The following TINAGL1 variants were observed in gnomAD, a reference collection of about 807,000 sequenced individuals.
TINAGL1 encodes the protein tubulointerstitial nephritis antigen-like.
Under a neutral mutation model 62.0 loss-of-function variants are expected in TINAGL1, and 34 were observed. The observed-to-expected ratio is 0.55, with a 90% confidence interval of 0.42 to 0.73. The LOEUF is 0.73. Ranked by LOEUF, TINAGL1 falls within the 30% of genes least tolerant of loss-of-function variation. TINAGL1 has a pLI of 0.00. For missense variants in TINAGL1, 516 were observed against 653.2 expected (o/e 0.79, Z 2.29); for synonymous variants, 221 against 249.7 (o/e 0.88, Z 1.08).
In TINAGL1 at chr1:31,585,603, G is replaced by T; in HGVS notation, c.1093+118G>T. Reference sequence around the variant, plus strand: ...GCATGTCCAGTAGGGCCAGGAGTAGGGGTCCCCCCCTCCCACAGGCAGCAC... The same window carrying T: ...GCATGTCCAGTAGGGCCAGGAGTAGTGGTCCCCCCCTCCCACAGGCAGCAC... On this transcript the variant is annotated intron_variant, in intron 9 of 11. Coordinates refer to ENST00000271064, the MANE Select transcript of TINAGL1 (RefSeq NM_022164.3). This position sits in a 1 kb window ranked among gnomAD's most constrained non-coding sequence, Gnocchi z 4.3. 1 of 1,541,124 alleles carries T rather than the reference G, an allele frequency of 6.5e-7. No homozygotes were observed.
At chr1:31,580,625 A>G in intron 3 of TINAGL1, 2 of 1,289,410 alleles carry the variant, frequency 1.6e-6, no homozygotes, top group Non-Finnish European at 2.0e-6. Flanking sequence ...TGGAAAGCCC[A>G]GCCATACTGG....
At chr1:31,581,339 G>T (rs944422169) in intron 3 of TINAGL1, among the ~76,000 whole-genome samples, 1 of 152,208 alleles carries the variant, frequency 6.6e-6, no homozygotes, top group Non-Finnish European at 1.5e-5. Flanking sequence ...ATAAGGCAGT[G>T]CCGGGGTCCA....
chr1:31,583,353 ACTGTGTGTGCGCTCAGC>A lies in TINAGL1; in HGVS notation c.468-106_468-90del. The A allele has an allele frequency of 6.9e-7, 1 of 1,458,702 alleles. No homozygotes were observed. The highest frequency in any genetic ancestry group is 1.8e-5 in the Admixed American group (1 of 55,494). The allele number at this position is 1,458,702 out of a possible 1,614,324, so 90.4% of individuals were successfully genotyped here. A position where few individuals can be genotyped will look rare whatever the true frequency, so the allele number is the denominator to read the frequency against. ...CAGGCCACTCCTACACCCAGATTTG[ACTGTGTGTGCGCTCAGC>A]CACTGTGCGTCTCTCCCACCCACAT... On this transcript the variant is annotated intron_variant, in intron 4 of 11. Transcript: ENST00000271064. This position sits in a 1 kb window ranked among gnomAD's most constrained non-coding sequence, Gnocchi z 4.4.
At position 31,583,690 on chromosome 1, in the gene TINAGL1, T is replaced by C. The variant is rs1639309214; in HGVS notation, c.582+115T>C. Reference sequence around the variant, plus strand: ...TGGACCATCCCCTACTACAAGGCTGTGTGTCCCTGGACAAGTTACTCCCCT... The same window carrying C: ...TGGACCATCCCCTACTACAAGGCTGCGTGTCCCTGGACAAGTTACTCCCCT... On this transcript the variant is annotated intron_variant, in intron 5 of 11. Coordinates refer to ENST00000271064, the MANE Select transcript of TINAGL1 (RefSeq NM_022164.3). The surrounding 1 kb of genome is among the most constrained non-coding windows in gnomAD (Gnocchi z 4.4). The C allele has an allele frequency of 4.5e-6, 4 of 883,332 alleles. No individual in the cohort carries two copies. The South Asian group carries it at 6.3e-5, about 14-fold the overall frequency. The allele number at this position is 883,332 out of a possible 1,614,324, so 54.7% of individuals were successfully genotyped here. A position where few individuals can be genotyped will look rare whatever the true frequency, so the allele number is the denominator to read the frequency against.
intron 3 of TINAGL1, chr1:31,580,205 C>CTG: frequency 2.2e-5 from 11 of 493,668 alleles, no homozygotes; most frequent in East Asian, 1.8e-4. Context: ...CTCTCTCTCT[C>CTG]TCTCTCTGTC....
chr1:31,578,205 G>T, intron 2 of TINAGL1: 1 of 985,612 alleles, frequency 1.0e-6, no homozygotes, highest in Non-Finnish European at 1.2e-6. Flanking sequence ...GACCCTGCAG[G>T]ATTTGTCTTC....
chr1:31,586,904 CAAT>C lies in TINAGL1; in HGVS notation c.1330_1332del (p.Asn444del). 6.5e-7 allele frequency: 1 copy of C among 1,547,496 alleles called. No homozygotes were observed. The highest frequency in any genetic ancestry group is 8.7e-7 in the Non-Finnish European group (1 of 1,148,682). ...GCCACTTCCGCATCGTGCGCGGCGT[CAAT>C]GAGTGCGACATCGAGAGCTTCGTGC... is the stretch of plus-strand genomic sequence containing the variant. On this transcript the variant is annotated inframe_deletion, in exon 12 of 12. Transcript: ENST00000271064.
chr1:31,584,495 T>G lies in TINAGL1; in HGVS notation c.583-183T>G. On this transcript the variant is annotated intron_variant, in intron 5 of 11. Transcript: ENST00000271064. The surrounding 1 kb of genome is among the most constrained non-coding windows in gnomAD (Gnocchi z 4.0). ...CCACCACCTGATACCTGGGAGGCAC[T>G]AAATGGTGCTTGGTTCTTCAACACA... is the stretch of plus-strand genomic sequence containing the variant. The G allele has an allele frequency of 1.0e-5, 7 of 703,402 alleles. No individual in the cohort carries two copies. The highest frequency in any genetic ancestry group is 7.3e-5 in the East Asian group (2 of 27,454). 43.6% of individuals were successfully genotyped at this position (703,402 alleles called of 1,614,324 possible). A position where few individuals can be genotyped will look rare whatever the true frequency, so the allele number is the denominator to read the frequency against.
chr1:31,584,608 G>C lies in TINAGL1; in HGVS notation c.583-70G>C. ...AGGCCCTGGACTTGGTGGCCCTCCA[G>C]TGCCAATGGGCACCTGAGGGGCAGG... is the stretch of plus-strand genomic sequence containing the variant. On this transcript the variant is annotated intron_variant, in intron 5 of 11. Transcript: ENST00000271064. This position sits in a 1 kb window ranked among gnomAD's most constrained non-coding sequence, Gnocchi z 4.0. The C allele has an allele frequency of 1.2e-6, 2 of 1,607,682 alleles. No homozygotes were observed. The highest frequency in any genetic ancestry group is 1.7e-6 in the Non-Finnish European group (2 of 1,176,708).
Position 31,586,836 on chromosome 1 carries a change from C to T in TINAGL1, c.1264-3C>T. 6.5e-7 allele frequency: 1 copy of T among 1,543,442 alleles called. No individual in the cohort carries two copies. Among genetic ancestry groups the T allele is most frequent in the Non-Finnish European group, 8.8e-7 (1 of 1,141,548 alleles). ...CCTTCTCACCACCCCTCCTTATTCC[C>T]AGACTGCGGCCAACTCCTGGGGCCC... On this transcript the variant is annotated splice_region_variant and splice_polypyrimidine_tract_variant and intron_variant, in intron 11 of 11. Transcript: ENST00000271064.
At position 31,580,162 on chromosome 1, in the gene TINAGL1, GCTCTCTCTCT is replaced by G. The variant is rs761677862; in HGVS notation, c.374+936_374+945del. 4.4e-3 allele frequency: 2,071 copies of G among 473,416 alleles called. 10 individuals carry two copies. The highest frequency in any genetic ancestry group is 0.015 in the African/African-American group (481 of 32,446). 29.3% of individuals were successfully genotyped at this position (473,416 alleles called of 1,614,324 possible). On this transcript the variant is annotated intron_variant, in intron 3 of 11. Coordinates refer to ENST00000271064, the MANE Select transcript of TINAGL1 (RefSeq NM_022164.3). The stretch of plus-strand genomic sequence containing the variant: ...GCTCTGGACGTTGAGGGGTTAATGC[GCTCTCTCTCT>G]CTCTCTCTCTCTCTCTCTCTCTCTC...
intron 3 of TINAGL1, chr1:31,580,221 C>A: frequency 1.2e-6 from 1 of 861,274 alleles, no homozygotes; most frequent in Non-Finnish European, 1.5e-6. Flanking sequence ...CTGTCTCTCT[C>A]TCTCTGTCTC....
chr1:31,581,063 G>A (rs1639231272), intron 3 of TINAGL1, among the ~76,000 whole-genome samples: 1 of 152,196 alleles, frequency 6.6e-6, no homozygotes, highest in Admixed American at 6.5e-5. Flanking sequence ...GCCTGGCCTA[G>A]GCAGAGGGAG....
Position 31,585,482 on chromosome 1 carries a change from C to T in TINAGL1, c.1090C>T (p.Gln364Ter), listed in dbSNP as rs1350705356. 3 of 1,614,076 alleles carry T rather than the reference C, an allele frequency of 1.9e-6. No individual in the cohort carries two copies. In the Admixed American group the frequency reaches 5.0e-5, roughly 27 times the overall value. The change falls in exon 9 of 12, where the codon CAA becomes TAA. Residue 364 changes from glutamine (Q) to a stop codon, truncating the protein, a stop_gained. Coordinates refer to ENST00000271064, the MANE Select transcript of TINAGL1 (RefSeq NM_022164.3). LOFTEE classifies it high-confidence loss of function. This position sits in a 1 kb window ranked among gnomAD's most constrained non-coding sequence, Gnocchi z 4.3. ...GGAGCTGATGGAGAATGGCCCTGTC[C>T]AAGGTAAACCCCCTTATCCAGCACC... ...MKELMENGPV[Q>*]ALMEVHEDFF...
chr1:31,580,354 G>A, intron 3 of TINAGL1: 1 of 1,286,832 alleles, frequency 7.8e-7, no homozygotes, highest in South Asian at 1.2e-5. Flanking sequence ...CAGCCCTGGG[G>A]GCAAAGGAGG....
In TINAGL1 at chr1:31,585,638, G is replaced by A; in HGVS notation, c.1094-115G>A. 1 of 1,533,872 alleles carries A rather than the reference G, an allele frequency of 6.5e-7. No homozygotes were observed. The highest frequency in any genetic ancestry group is 2.0e-5 in the Admixed American group (1 of 49,632). ...CTCCCACAGGCAGCACCTGGAGGGAGCACTTAGAGCTTTGGTATGGAGGGA... is the reference window on the plus strand; with the variant it reads ...CTCCCACAGGCAGCACCTGGAGGGAACACTTAGAGCTTTGGTATGGAGGGA... On this transcript the variant is annotated intron_variant, in intron 9 of 11. Coordinates refer to ENST00000271064, the MANE Select transcript of TINAGL1 (RefSeq NM_022164.3). The surrounding 1 kb of genome is among the most constrained non-coding windows in gnomAD (Gnocchi z 4.3).
At chr1:31,581,406 G>A (rs113985517) in intron 3 of TINAGL1, among the ~76,000 whole-genome samples, 87 of 152,212 alleles carry the variant, frequency 5.7e-4, no homozygotes, top group African/African-American at 2.0e-3. Flanking sequence ...GCGAGAGGTA[G>A]GTGGATTCCT....
intron 3 of TINAGL1, chr1:31,579,680 G>T (rs1162004764): frequency 5.9e-6 from 1 of 168,840 alleles, no homozygotes; most frequent in African/African-American, 2.4e-5. Flanking sequence ...CGGCCAGCCA[G>T]CCTCTAGCAG....
Position 31,585,009 on chromosome 1 carries a change from G to A in TINAGL1, c.830G>A (p.Gly277Asp). The A allele has an allele frequency of 1.9e-6, 3 of 1,606,864 alleles. No homozygotes were observed. The highest frequency in any genetic ancestry group is 2.6e-6 in the Non-Finnish European group (3 of 1,175,376). ...QQGCRGGRLDGAWWFLRRRGV... is the reference protein window; with the variant it reads ...QQGCRGGRLDDAWWFLRRRGV... ...GGCTGCCGCGGTGGGCGTCTCGATG[G>A]TGCCTGGTGGTTCCTGCGTCGCCGA... The change falls in exon 7 of 12, where the codon GGT becomes GAT. Residue 277 changes from glycine to aspartate, a missense_variant. Transcript: ENST00000271064. This position sits in a 1 kb window ranked among gnomAD's most constrained non-coding sequence, Gnocchi z 4.3.
Sources: gnomAD v4.1 joint callset for allele counts (sites outside exome capture counted in the v4.1 genomes callset) on GRCh38, gnomAD v4.1.1 for gene constraint, Gnocchi (gnomAD v3.1) non-coding constraint, MANE v1.5 for transcripts, NCBI Gene and HGNC (gene_info 2026-07-23, HGNC 2026-07-21) for gene names.